Variants in C12orf42 observed in about 807,000 individuals in gnomAD.
C12orf42 encodes the protein chromosome 12 open reading frame 42, also known as uncharacterized protein C12orf42.
In C12orf42, 25 loss-of-function variants were observed where a neutral mutation model predicts 21.6. The ratio of observed to expected loss-of-function variants is 1.16; its 90% confidence interval spans 0.84 to 1.62. The LOEUF (loss-of-function observed/expected upper bound fraction) is 1.62. Among genes scored for constraint, C12orf42 ranks in the 40% most tolerant of loss-of-function variants. The probability of loss-of-function intolerance (pLI) is 0.00; values close to 1 mark genes in which losing one functional copy is unlikely to be tolerated. For missense variants in C12orf42, 483 were observed against 459.3 expected, an observed-to-expected ratio of 1.05 and a Z score of -0.47; for synonymous variants, 174 against 175.0, an observed-to-expected ratio of 0.99 and a Z score of 0.05.
chr12:103,161,874 T>C, the C12orf42 span, among the ~76,000 whole-genome samples: 5 of 152,366 alleles, frequency 3.3e-5, no homozygotes, highest in East Asian at 1.9e-4. Context: ...AGCTTGAGTT[T>C]GATTTTGATT....
At chr12:103,562,938 C>T in the C12orf42 span, among the ~76,000 whole-genome samples, 2 of 152,348 alleles carry the variant, frequency 1.3e-5, no homozygotes, top group African/African-American at 4.8e-5. Flanking sequence ...TAACCATTGC[C>T]TCTGACATAA....
the C12orf42 span, among the ~76,000 whole-genome samples, chr12:103,063,676 G>A: frequency 1.5e-4 from 23 of 152,232 alleles, no homozygotes; most frequent in African/African-American, 5.1e-4. Context: ...GGAGCTACCC[G>A]AACACCCCTG....
upstream of C12orf42, among the ~76,000 whole-genome samples, chr12:103,496,796 A>C (rs565361720): frequency 7.3e-5 from 8 of 109,524 alleles, no homozygotes; most frequent in South Asian, 1.5e-3. Context: ...ACCCACATCT[A>C]AAATATTTCT....
At chr12:103,381,468 A>T (rs1272314946) in intron 3 of C12orf42, among the ~76,000 whole-genome samples, 1 of 152,152 alleles carries the variant, frequency 6.6e-6, no homozygotes, top group Non-Finnish European at 1.5e-5. Flanking sequence ...AGGGAGGGAA[A>T]AGAAAGGGGA....
At chr12:103,376,219 T>C (rs1205358677) in intron 3 of C12orf42, among the ~76,000 whole-genome samples, 1 of 152,096 alleles carries the variant, frequency 6.6e-6, no homozygotes, top group East Asian at 1.9e-4. Flanking sequence ...CGGAATAATA[T>C]GCAGACAAAA....
intron 2 of C12orf42, among the ~76,000 whole-genome samples, chr12:103,430,737 G>T (rs1206991664): frequency 6.6e-6 from 1 of 152,196 alleles, no homozygotes; most frequent in Admixed American, 6.5e-5. Context: ...TGATAGACTG[G>T]ATAAAGAAAA....
the C12orf42 span, among the ~76,000 whole-genome samples, chr12:103,113,624 C>T: frequency 2.2e-4 from 33 of 151,926 alleles, no homozygotes; most frequent in African/African-American, 7.3e-4. Flanking sequence ...TGCTTACCAT[C>T]GTATAGTGCA....
chr12:103,229,368 C>CTT, the C12orf42 span, among the ~76,000 whole-genome samples: 1 of 152,172 alleles, frequency 6.6e-6, no homozygotes, highest in Non-Finnish European at 1.5e-5. Flanking sequence ...GCTCTGGTTG[C>CTT]TTTGCTTTGA....
intron 4 of C12orf42, among the ~76,000 whole-genome samples, chr12:103,318,700 C>T (rs1397391477): frequency 1.3e-5 from 2 of 152,088 alleles, no homozygotes; most frequent in African/African-American, 4.8e-5. Context: ...TCTCCTGCCC[C>T]GTGTATTCTA....
chr12:103,458,189 T>C (rs111614807), intron 2 of C12orf42, among the ~76,000 whole-genome samples: 24 of 152,310 alleles, frequency 1.6e-4, no homozygotes, highest in African/African-American at 5.5e-4. Context: ...TGTGTCTGTA[T>C]AGAATCTGCA....
chr12:103,400,508 G>A (rs990689471), intron 3 of C12orf42, among the ~76,000 whole-genome samples: 2 of 152,148 alleles, frequency 1.3e-5, no homozygotes, highest in African/African-American at 2.4e-5. Flanking sequence ...GATCCTTAAC[G>A]TCCAAATGGA....
chr12:103,272,361 GC>G (rs1224635796), intron 5 of C12orf42, among the ~76,000 whole-genome samples: 1 of 152,112 alleles, frequency 6.6e-6, no homozygotes, highest in African/African-American at 2.4e-5. Context: ...CATATGCCAA[GC>G]ACTGTGCAAA....
intron 4 of C12orf42, among the ~76,000 whole-genome samples, chr12:103,321,760 C>T (rs1303130651): frequency 1.4e-5 from 2 of 147,182 alleles, no homozygotes; most frequent in African/African-American, 5.1e-5. Flanking sequence ...TAAACTATCG[C>T]AAGAACAAAA....
intron 10 of C12orf42, among the ~76,000 whole-genome samples, chr12:103,238,702 A>AG (rs1207871939): frequency 7.2e-5 from 11 of 152,316 alleles, no homozygotes; most frequent in Admixed American, 2.6e-4. Flanking sequence ...CTAGGAAAAC[A>AG]GAGGGGAATG....
At chr12:103,534,744 T>C in the C12orf42 span, among the ~76,000 whole-genome samples, 1 of 152,168 alleles carries the variant, frequency 6.6e-6, no homozygotes, top group Non-Finnish European at 1.5e-5. Flanking sequence ...AGCAGAAGCA[T>C]TAACTGCCCT....
chr12:103,264,119 C>A (rs574872394), downstream of C12orf42, among the ~76,000 whole-genome samples: 64 of 151,222 alleles, frequency 4.2e-4, no homozygotes, highest in Non-Finnish European at 6.3e-4. Context: ...TATTTACTTA[C>A]TGCCTTGCAT....
the C12orf42 span, among the ~76,000 whole-genome samples, chr12:103,521,353 T>TA: frequency 6.6e-6 from 1 of 152,196 alleles, no homozygotes; most frequent in East Asian, 1.9e-4. Flanking sequence ...TGCAGCCATT[T>TA]AAAAAAGCGA....
intron 1 of C12orf42, among the ~76,000 whole-genome samples, chr12:103,486,423 G>C (rs904271865): frequency 2.6e-5 from 4 of 151,900 alleles, no homozygotes; most frequent in Admixed American, 2.6e-4. Context: ...GGGATATGGG[G>C]CTAAAATTCT....
At chr12:103,081,508 G>C in the C12orf42 span, 10 of 151,842 alleles carry the variant, frequency 6.6e-5, no homozygotes, top group Admixed American at 5.9e-4. Flanking sequence ...ATTATTTTTT[G>C]TTAAGACAGA....
Sources: gnomAD v4.1 joint callset for allele counts (sites outside exome capture counted in the v4.1 genomes callset) on GRCh38, gnomAD v4.1.1 for gene constraint, MANE v1.5 for transcripts, NCBI Gene and HGNC (gene_info 2026-07-23, HGNC 2026-07-21) for gene names.